FGF13: variants seen among roughly 807,000 people sequenced by gnomAD.
The protein encoded by FGF13 is fibroblast growth factor homologous factor 2.
Under a neutral mutation model 19.5 loss-of-function variants are expected in FGF13, and 2 were observed. That is an observed-to-expected ratio of 0.10 (90% CI 0.04 to 0.32). The LOEUF is 0.32. FGF13 is among the 10% of genes least tolerant of loss of function. The probability of loss-of-function intolerance (pLI) is 1.00; values close to 1 mark genes in which losing one functional copy is unlikely to be tolerated. For synonymous variants in FGF13, 72 were observed against 76.9 expected (o/e 0.94, Z 0.33); for missense variants, 113 against 192.7 (o/e 0.59, Z 2.45).
intron 1 of FGF13, among the ~76,000 whole-genome samples, chrX:139,154,767 T>C (rs962145800): frequency 8.9e-6 from 1 of 111,963 alleles, no homozygotes. Context: ...TTTCAATATA[T>C]TTTGATTGAG....
intron 1 of FGF13, among the ~76,000 whole-genome samples, chrX:139,046,334 C>T (rs2124408390): frequency 9.0e-6 from 1 of 111,589 alleles, no homozygotes; most frequent in Admixed American, 9.5e-5. Context: ...AATCCAAACA[C>T]CTTCCACGAC....
chrX:138,830,687 TTGTGTGTGTGTGTGTGTGTGTGTGTGTG>T (rs144759178), intron 3 of FGF13, among the ~76,000 whole-genome samples: 13 of 87,518 alleles, frequency 1.5e-4, no homozygotes, highest in Non-Finnish European at 2.2e-5. Context: ...AAAGGGGTGT[TTGTGTGTGTGTGTGTGTGTGTGTGTGTG>T]TGTGTGTGTG....
chrX:139,028,708 T>TGA (rs34899745), intron 1 of FGF13, among the ~76,000 whole-genome samples: 14 of 60,411 alleles, frequency 2.3e-4, no homozygotes, highest in African/African-American at 6.8e-4. Context: ...TGTGTGTGTG[T>TGA]GAGAGAGAGA....
At chrX:138,668,398 C>T (rs1003247488) in intron 3 of FGF13, among the ~76,000 whole-genome samples, 1 of 110,795 alleles carries the variant, frequency 9.0e-6, no homozygotes, top group African/African-American at 3.3e-5. Context: ...TATTATGATG[C>T]TGCAGCCTGC....
intron 1 of FGF13, among the ~76,000 whole-genome samples, chrX:138,955,890 C>T (rs146101855): frequency 0.028 from 3,104 of 111,871 alleles, 119 homozygotes; most frequent in African/African-American, 0.095. Flanking sequence ...TCTTCCTCTC[C>T]ACTTTGGTAC....
intron 3 of FGF13, among the ~76,000 whole-genome samples, chrX:138,689,609 T>C (rs981191650): frequency 8.9e-6 from 1 of 112,157 alleles, no homozygotes; most frequent in Non-Finnish European, 1.9e-5. Flanking sequence ...AGATGAGTTA[T>C]AGAGAAGAAA....
At chrX:139,185,125 G>T (rs1425356835) in intron 1 of FGF13, among the ~76,000 whole-genome samples, 1 of 111,833 alleles carries the variant, frequency 8.9e-6, no homozygotes, top group Non-Finnish European at 1.9e-5. Flanking sequence ...GGGAAAAGGG[G>T]GTGCTGAGTA....
chrX:138,822,155 C>A (rs905376703), intron 3 of FGF13, among the ~76,000 whole-genome samples: 1 of 111,925 alleles, frequency 8.9e-6, no homozygotes, highest in Non-Finnish European at 1.9e-5. Flanking sequence ...TACAGAAGGC[C>A]TCTGTTTATC....
Position 138,645,233 on chromosome X carries a change from C to A in FGF13, c.403-9578G>T, listed in dbSNP as rs767644127. Among the ~76,000 whole-genome samples the A allele has an allele frequency of 3.6e-5, 4 of 112,415 alleles. No individual in the cohort carries two copies. In the East Asian group the frequency reaches 1.1e-3, roughly 32 times the overall value. Reference sequence around the variant, plus strand: ...TGAGAGGAGAGTTCCTCCCACCTCACAGGTGAGAAAATCACAGCAATGGTG... The same window carrying A: ...TGAGAGGAGAGTTCCTCCCACCTCAAAGGTGAGAAAATCACAGCAATGGTG... On this transcript the variant is annotated intron_variant, in intron 3 of 4. Coordinates refer to ENST00000315930, the MANE Select transcript of FGF13 (RefSeq NM_004114.5).
chrX:138,711,012 C>T lies in FGF13; in HGVS notation c.-9G>A, dbSNP rs1056064778. On this transcript the variant is annotated 5_prime_UTR_variant, in exon 1 of 5. Coordinates refer to ENST00000315930, the MANE Select transcript of FGF13 (RefSeq NM_004114.5). ...GCGATAGCCGCCGCCATGGCCACGA[C>T]GCCCACCACCACCGCTTCTTTTGCT... 2 of 1,208,069 alleles carry T rather than the reference C, an allele frequency of 1.7e-6. No individual in the cohort carries two copies. The highest frequency in any genetic ancestry group is 1.1e-6 in the Non-Finnish European group (1 of 894,047).
At chrX:138,769,274 G>A (rs1009588048) in intron 3 of FGF13, among the ~76,000 whole-genome samples, 1 of 111,464 alleles carries the variant, frequency 9.0e-6, no homozygotes, top group Non-Finnish European at 1.9e-5. Context: ...AAGCTTAACA[G>A]TAACATGGCG....
chrX:138,730,200 G>C (rs1381636027), intron 1 of FGF13, among the ~76,000 whole-genome samples: 1 of 110,802 alleles, frequency 9.0e-6, no homozygotes, highest in African/African-American at 3.3e-5. Flanking sequence ...GTGGAGGAGG[G>C]GGGAAGGGAT....
At chrX:138,979,347 G>C (rs1422926268) in intron 1 of FGF13, among the ~76,000 whole-genome samples, 1 of 110,677 alleles carries the variant, frequency 9.0e-6, no homozygotes, top group Non-Finnish European at 1.9e-5. Context: ...CTTTTTTCGA[G>C]GTATCAGTTG....
At chrX:139,031,198 G>A (rs1170702607) in intron 1 of FGF13, among the ~76,000 whole-genome samples, 1 of 107,170 alleles carries the variant, frequency 9.3e-6, no homozygotes, top group Admixed American at 1.0e-4. Flanking sequence ...ACATTTTTAA[G>A]CTGGATTTTG....
chrX:138,997,736 G>C (rs1398963367), intron 1 of FGF13, among the ~76,000 whole-genome samples: 2 of 112,144 alleles, frequency 1.8e-5, no homozygotes, highest in African/African-American at 3.2e-5. Context: ...CAAGGAGAAT[G>C]GAACCAAATT....
intron 1 of FGF13, among the ~76,000 whole-genome samples, chrX:139,133,396 G>A (rs1173357946): frequency 3.8e-5 from 4 of 104,627 alleles, no homozygotes; most frequent in Non-Finnish European, 5.9e-5. Flanking sequence ...AAACGCCCAA[G>A]ATGAGGGGAA....
chrX:139,090,382 T>C (rs1376708517), intron 1 of FGF13, among the ~76,000 whole-genome samples: 1 of 111,271 alleles, frequency 9.0e-6, no homozygotes, highest in African/African-American at 3.3e-5. Flanking sequence ...CATGGAGTGC[T>C]TAGTACATAA....
Position 139,143,362 on chromosome X carries a change from C to A in FGF13, c.-113+60054G>T, listed in dbSNP as rs183946257. Among the ~76,000 whole-genome samples the A allele has an allele frequency of 3.3e-3, 365 of 112,158 alleles. 1 individual carries two copies. Among genetic ancestry groups the A allele is most frequent in the Non-Finnish European group, 5.5e-3 (294 of 53,223 alleles). ...GTGCCTATCATCATTTACAGGTGTT[C>A]CACACTTTGCAAAAACTGATAAGCT... On this transcript the variant is annotated intron_variant, in intron 1 of 2. Coordinates refer to the FGF13 transcript ENST00000421460.
At position 139,178,723 on chromosome X, in the gene FGF13, A is replaced by G. The variant is rs149391336; in HGVS notation, c.-113+24693T>C. Among the ~76,000 whole-genome samples, 211 of 111,980 alleles carry G rather than the reference A, an allele frequency of 1.9e-3. 3 individuals carry two copies. Among genetic ancestry groups the G allele is most frequent in the African/African-American group, 6.5e-3 (200 of 30,840 alleles). Reference sequence around the variant, plus strand: ...TATGCGTAGAAAAACAATACACCATATGTTTCATGTGGTCTCAATCTGCAT... The same window carrying G: ...TATGCGTAGAAAAACAATACACCATGTGTTTCATGTGGTCTCAATCTGCAT... On this transcript the variant is annotated intron_variant, in intron 1 of 2. Coordinates refer to the FGF13 transcript ENST00000421460.
Sources: allele counts gnomAD v4.1 joint callset (sites outside exome capture counted in the v4.1 genomes callset), GRCh38; gene constraint gnomAD v4.1.1; transcripts MANE v1.5; gene names NCBI Gene and HGNC (gene_info 2026-07-23, HGNC 2026-07-21).